SLC12A7: variants seen among roughly 807,000 people sequenced by gnomAD.
SLC12A7 encodes the protein K-Cl cotransporter 4.
In SLC12A7, 100 loss-of-function variants were observed where a neutral mutation model predicts 120.6. That is an observed-to-expected ratio of 0.83 (90% CI 0.71 to 0.98). The LOEUF (loss-of-function observed/expected upper bound fraction) is 0.98. Among genes scored for constraint, SLC12A7 ranks in the 50% least tolerant of loss-of-function variants. SLC12A7 has a pLI of 0.00. For missense variants in SLC12A7, 1,373 were observed against 1,548.1 expected (o/e 0.89, Z 1.90); for synonymous variants, 760 against 678.0 (o/e 1.12, Z -1.88).
the SLC12A7 span, among the ~76,000 whole-genome samples, chr5:1,124,059 AT>A: frequency 1.3e-5 from 2 of 152,218 alleles, no homozygotes; most frequent in Non-Finnish European, 2.9e-5. Context: ...TTAAAAATAC[AT>A]TTAAAAAATA....
chr5:1,106,060 G>A (rs889579777), intron 1 of SLC12A7, among the ~76,000 whole-genome samples: 2 of 152,212 alleles, frequency 1.3e-5, no homozygotes, highest in Non-Finnish European at 2.9e-5. Flanking sequence ...TGATGGAGCC[G>A]GTTGAAATCA....
the SLC12A7 span, among the ~76,000 whole-genome samples, chr5:1,154,392 G>C: frequency 8.7e-3 from 880 of 100,744 alleles, 11 homozygotes; most frequent in East Asian, 0.042. Flanking sequence ...CACACACACA[G>C]AGACACATAC....
chr5:1,134,777 G>C, the SLC12A7 span, among the ~76,000 whole-genome samples: 1 of 152,152 alleles, frequency 6.6e-6, no homozygotes, highest in Middle Eastern at 3.2e-3. Context: ...GAGAGGTGGT[G>C]AGCAGATAAA....
chr5:1,079,106 G>A (rs377082458), intron 10 of SLC12A7, among the ~76,000 whole-genome samples: 3 of 152,136 alleles, frequency 2.0e-5, no homozygotes, highest in Non-Finnish European at 2.9e-5. Context: ...CAGAGGCCCC[G>A]CGGGCCCAGC....
At chr5:1,147,773 TCA>T in the SLC12A7 span, among the ~76,000 whole-genome samples, 1 of 152,190 alleles carries the variant, frequency 6.6e-6, no homozygotes, top group African/African-American at 2.4e-5. Flanking sequence ...AGACAGGGTC[TCA>T]CTCTGTCACC....
intron 21 of SLC12A7, among the ~76,000 whole-genome samples, chr5:1,058,571 G>A (rs936489927): frequency 1.3e-5 from 2 of 152,254 alleles, no homozygotes; most frequent in African/African-American, 2.4e-5. Flanking sequence ...CAAAGGTCCA[G>A]AGTGATTTCA....
At position 1,053,429 on chromosome 5, in the gene SLC12A7, A is replaced by G; in HGVS notation, c.3080T>C (p.Val1027Ala). The change falls in exon 23 of 24, where the codon GTC (valine) becomes GCC (alanine). Residue 1027 changes from valine (V) to alanine (A), a missense_variant. By Grantham distance (64) the Val-to-Ala change is moderately conservative. Coordinates refer to ENST00000264930, the MANE Select transcript of SLC12A7 (RefSeq NM_006598.3). ...MHTAVKLNGV[V>A]LNKSQDAQLV... The stretch of plus-strand genomic sequence containing the variant: ...CTGCGCATCCTGGGACTTGTTGAGG[A>G]CGACGCCATTGAGCTTCACAGCCGT... 1 of 1,613,918 alleles carries G rather than the reference A, an allele frequency of 6.2e-7. No individual in the cohort carries two copies. The highest frequency in any genetic ancestry group is 1.1e-5 in the South Asian group (1 of 91,076).
At chr5:1,124,928 G>C in the SLC12A7 span, among the ~76,000 whole-genome samples, 1 of 152,198 alleles carries the variant, frequency 6.6e-6, no homozygotes, top group African/African-American at 2.4e-5. Flanking sequence ...CAGAGAACTG[G>C]AGGAGAAACA....
Position 1,088,313 on chromosome 5 carries a change from C to G in SLC12A7, c.537G>C (p.Val179=). Reference sequence around the variant, plus strand: ...CTGGCGGGCACCCCTTACCTGGGACCACACCGTTGGTAGCGATCGCACTCA... The same window carrying G: ...CTGGCGGGCACCCCTTACCTGGGACGACACCGTTGGTAGCGATCGCACTCA... ...ISMSAIATNG[V]VPAGGSYYMI... Residue 179 remains valine (V), a synonymous_variant, in exon 5 of 24, where the codon GTG becomes GTC. Coordinates refer to ENST00000264930, the MANE Select transcript of SLC12A7 (RefSeq NM_006598.3). 6.3e-7 allele frequency: 1 copy of G among 1,586,676 alleles called. No individual in the cohort carries two copies. Among genetic ancestry groups the G allele is most frequent in the Non-Finnish European group, 8.6e-7 (1 of 1,167,190 alleles).
At chr5:1,087,247 G>A (rs974759766) in intron 5 of SLC12A7, among the ~76,000 whole-genome samples, 5 of 152,102 alleles carry the variant, frequency 3.3e-5, no homozygotes, top group Admixed American at 2.6e-4. Context: ...AAGAGCACGC[G>A]CTCTCATGGA....
At chr5:1,100,784 G>A (rs1741939619) in intron 1 of SLC12A7, among the ~76,000 whole-genome samples, 1 of 152,204 alleles carries the variant, frequency 6.6e-6, no homozygotes, top group Non-Finnish European at 1.5e-5. Context: ...CCCCAAAACT[G>A]CCACAGTCGT....
chr5:1,140,991 G>A, the SLC12A7 span, among the ~76,000 whole-genome samples: 4 of 152,218 alleles, frequency 2.6e-5, no homozygotes, highest in Admixed American at 6.5e-5. Flanking sequence ...GGGGGAGGGT[G>A]GACACGGGAC....
In SLC12A7 at chr5:1,111,773, C is replaced by T. The variant is rs535593649; in HGVS notation, c.124+95G>A. 5.9e-4 allele frequency: 673 copies of T among 1,147,232 alleles called. 8 individuals carry two copies. In the East Asian group the frequency reaches 0.023, roughly 39 times the overall value. 71.1% of individuals were successfully genotyped at this position (1,147,232 alleles called of 1,614,324 possible). On this transcript the variant is annotated intron_variant, in intron 1 of 23. Coordinates refer to ENST00000264930, the MANE Select transcript of SLC12A7 (RefSeq NM_006598.3). ...CGCGGGAAGGGGCGCCTCCTGTACC[C>T]CCGGCCCCGCCGCCCGCCTCCGCTC...
At chr5:1,110,830 T>C (rs370560071) in intron 1 of SLC12A7, among the ~76,000 whole-genome samples, 1 of 152,202 alleles carries the variant, frequency 6.6e-6, no homozygotes. Flanking sequence ...ACGGGGACCC[T>C]GATGACGCAC....
chr5:1,079,597 C>G, intron 9 of SLC12A7, 101 bp from the exon 10 acceptor site: 2 of 938,726 alleles, frequency 2.1e-6, no homozygotes, highest in East Asian at 2.4e-5. Flanking sequence ...CTGGGGAGAC[C>G]CCGAGCGTGA....
rs999935493 is a variant in SLC12A7, at chr5:1,051,118, C to A, written c.*1242G>T. On this transcript the variant is annotated 3_prime_UTR_variant, in exon 24 of 24. Coordinates refer to ENST00000264930, the MANE Select transcript of SLC12A7 (RefSeq NM_006598.3). ...CACTGCCCGCAGCCTGCAAATGTGA[C>A]CACAACCTACAAAGCAGAAACTCAC... The A allele has an allele frequency of 1.5e-5, 6 of 395,124 alleles. No individual in the cohort carries two copies. Among genetic ancestry groups the A allele is most frequent in the Non-Finnish European group, 2.7e-5 (6 of 224,466 alleles). 24.5% of individuals were successfully genotyped at this position (395,124 alleles called of 1,614,324 possible).
chr5:1,063,663 CG>C lies in SLC12A7; in HGVS notation c.2739+180del, dbSNP rs1489641128. Among the ~76,000 whole-genome samples, 117 of 66,092 alleles carry C rather than the reference CG, an allele frequency of 1.8e-3. 4 individuals are homozygous for C. The highest frequency in any genetic ancestry group is 3.5e-3 in the Non-Finnish European group (96 of 27,676). The allele number at this position is 66,092 out of a possible 152,430, so 43.4% of individuals were successfully genotyped here. ...GATCTCCCCCTCCACCCCCACCTCA[CG>C]AGGCCACAGCCCTCCCGATCTCCAC... On this transcript the variant is annotated intron_variant, in intron 20 of 23. Coordinates refer to ENST00000264930, the MANE Select transcript of SLC12A7 (RefSeq NM_006598.3).
At chr5:1,115,681 C>T (rs1226154175), upstream of SLC12A7, among the ~76,000 whole-genome samples, 1 of 152,078 alleles carries the variant, frequency 6.6e-6, no homozygotes, top group African/African-American at 2.4e-5. Flanking sequence ...GGAGGCCGGC[C>T]CTGGAGGCCC....
At chr5:1,153,706 C>T in the SLC12A7 span, among the ~76,000 whole-genome samples, 6 of 152,230 alleles carry the variant, frequency 3.9e-5, no homozygotes, top group African/African-American at 1.4e-4. Context: ...TGACTTGGCG[C>T]TCTAGTTCAC....
Sources: allele counts gnomAD v4.1 joint callset (sites outside exome capture counted in the v4.1 genomes callset), GRCh38; gene constraint gnomAD v4.1.1; transcripts MANE v1.5; gene names NCBI Gene and HGNC (gene_info 2026-07-23, HGNC 2026-07-21).